The following MITF variants were observed in gnomAD, a reference collection of about 807,000 sequenced individuals.
MITF encodes microphthalmia-associated transcription factor.
In MITF, 17 loss-of-function variants were observed where a neutral mutation model predicts 60.5. That is an observed-to-expected ratio of 0.28 (90% CI 0.19 to 0.42). The LOEUF is 0.42. Among genes scored for constraint, MITF ranks in the 10% least tolerant of loss-of-function variants. The pLI is 1.00. For synonymous variants in MITF, 260 were observed against 248.5 expected (o/e 1.05, Z -0.43); for missense variants, 622 against 683.5 (o/e 0.91, Z 1.00).
intron 1 of MITF, among the ~76,000 whole-genome samples, chr3:69,854,386 A>G (rs1392040296): frequency 2.0e-5 from 3 of 152,224 alleles, no homozygotes; most frequent in African/African-American, 7.2e-5. Context: ...AAAATGGTGT[A>G]GTATTTTCAT....
intron 1 of MITF, among the ~76,000 whole-genome samples, chr3:69,848,824 T>C (rs2063774643): frequency 6.6e-6 from 1 of 151,948 alleles, no homozygotes. Context: ...TCTATAATTT[T>C]CCCCCCTTCT....
chr3:69,740,122 C>T lies in MITF; in HGVS notation c.104+421C>T, dbSNP rs561627105. 5.3e-5 allele frequency among the ~76,000 whole-genome samples: 8 copies of T among 152,112 alleles called. No homozygotes were observed. The South Asian group carries it at 1.5e-3, about 28-fold the overall frequency. On this transcript the variant is annotated intron_variant, in intron 1 of 9. Transcript: ENST00000352241. ...TGAAGATCCCAGCGGGTTGAGGGCT[C>T]GGAGAGGGAGAGCTTTGGGTGGACT...
chr3:69,897,432 T>C (rs951420947), intron 2 of MITF, among the ~76,000 whole-genome samples: 3 of 152,170 alleles, frequency 2.0e-5, no homozygotes, highest in African/African-American at 7.2e-5. Context: ...AAACTGAACA[T>C]AGTAGAGCTT....
At chr3:69,940,409 C>T (rs1553702224) in intron 4 of MITF, among the ~76,000 whole-genome samples, 1 of 152,236 alleles carries the variant, frequency 6.6e-6, no homozygotes, top group Non-Finnish European at 1.5e-5. Flanking sequence ...AATGTTTTCA[C>T]AGGCTTGTCT....
At chr3:69,776,682 A>G (rs2062478946) in intron 1 of MITF, among the ~76,000 whole-genome samples, 1 of 152,106 alleles carries the variant, frequency 6.6e-6, no homozygotes, top group Admixed American at 6.5e-5. Flanking sequence ...TTGAGCTTCA[A>G]TTTTCTCTTT....
At position 69,739,516 on chromosome 3, in the gene MITF, G is replaced by A. The variant is rs546628569; in HGVS notation, c.-82G>A. The A allele has an allele frequency of 4.2e-4, 549 of 1,308,092 alleles. 4 individuals carry two copies. The South Asian group carries it at 6.5e-3, about 16-fold the overall frequency. 81.0% of individuals were successfully genotyped at this position (1,308,092 alleles called of 1,614,324 possible). ...CACTGCGCCGGGGCGCACGGCTCGGGGGACCCAGGCCCAGCTACCTTCCCT... is the reference window on the plus strand; with the variant it reads ...CACTGCGCCGGGGCGCACGGCTCGGAGGACCCAGGCCCAGCTACCTTCCCT... On this transcript the variant is annotated 5_prime_UTR_variant, in exon 1 of 10. Coordinates refer to ENST00000352241, the MANE Select transcript of MITF (RefSeq NM_001354604.2).
chr3:69,818,917 T>G (rs2063222497), intron 1 of MITF, among the ~76,000 whole-genome samples: 1 of 152,178 alleles, frequency 6.6e-6, no homozygotes, highest in Non-Finnish European at 1.5e-5. Context: ...TAATTAAAAT[T>G]TTTATTACTA....
chr3:69,922,059 G>A (rs934127462), intron 2 of MITF, among the ~76,000 whole-genome samples: 7 of 152,202 alleles, frequency 4.6e-5, no homozygotes, highest in African/African-American at 1.7e-4. Context: ...ATAGGCAGGA[G>A]CACCTTACTG....
intron 1 of MITF, among the ~76,000 whole-genome samples, chr3:69,855,260 CAAA>C (rs33962275): frequency 2.5e-4 from 21 of 84,584 alleles, no homozygotes; most frequent in Non-Finnish European, 4.2e-4. Flanking sequence ...TTCCCATAAG[CAAA>C]AAAAAAAAAA....
intron 1 of MITF, among the ~76,000 whole-genome samples, chr3:69,770,768 G>T (rs1575688129): frequency 1.3e-5 from 2 of 152,184 alleles, no homozygotes; most frequent in African/African-American, 2.4e-5. Flanking sequence ...GTCTAGTAAA[G>T]CTAGGTCCCA....
chr3:69,909,596 CCCA>C (rs200708815), intron 2 of MITF, among the ~76,000 whole-genome samples: 2,348 of 152,182 alleles, frequency 0.015, 28 homozygotes, highest in Middle Eastern at 0.051. Context: ...AACAATAAGG[CCCA>C]GGCTGAGGTG....
At chr3:69,856,441 A>T (rs1381347940) in intron 1 of MITF, among the ~76,000 whole-genome samples, 2 of 152,196 alleles carry the variant, frequency 1.3e-5, no homozygotes, top group Non-Finnish European at 2.9e-5. Flanking sequence ...TGTATTGTGA[A>T]CAAAGGGCAA....
chr3:69,963,970 C>CTTTTTTTTTTTTTTTTTT (rs56921812), intron 9 of MITF, among the ~76,000 whole-genome samples: 2 of 86,124 alleles, frequency 2.3e-5, no homozygotes, highest in Non-Finnish European at 4.2e-5. Flanking sequence ...TTTTTCTTTT[C>CTTTTTTTTTTTTTTTTTT]TTTTTTTTTT....
In MITF at chr3:69,950,041, A is replaced by G. The variant is rs1215754783; in HGVS notation, c.880+873A>G. 1.3e-5 allele frequency among the ~76,000 whole-genome samples: 2 copies of G among 152,152 alleles called. 1 individual carries two copies. Among genetic ancestry groups the G allele is most frequent in the Admixed American group, 1.3e-4 (2 of 15,270 alleles). ...TTAAAAACCATGGATTTGAGTGAAA[A>G]GAGTAATTAATAAGTAAAAACCATC... On this transcript the variant is annotated intron_variant, in intron 6 of 9. Coordinates refer to ENST00000352241, the MANE Select transcript of MITF (RefSeq NM_001354604.2).
chr3:69,812,772 T>G (rs187297059), intron 1 of MITF, among the ~76,000 whole-genome samples: 3 of 152,310 alleles, frequency 2.0e-5, no homozygotes, highest in Admixed American at 6.5e-5. Flanking sequence ...AGGGCATGCA[T>G]GTAAACGATT....
At chr3:69,935,768 G>A (rs1190111256) in intron 2 of MITF, among the ~76,000 whole-genome samples, 1 of 152,032 alleles carries the variant, frequency 6.6e-6, no homozygotes, top group Non-Finnish European at 1.5e-5. Flanking sequence ...CATAAAGCTG[G>A]AAACTATATC....
chr3:69,746,454 C>T (rs945713551), intron 1 of MITF, among the ~76,000 whole-genome samples: 4 of 152,110 alleles, frequency 2.6e-5, no homozygotes, highest in Non-Finnish European at 5.9e-5. Flanking sequence ...AAAAAAAAAT[C>T]CTTGGCTACT....
rs1576074296 is a variant in MITF, at chr3:69,966,403, G to C, written c.*1155G>C. 4.3e-6 allele frequency: 1 copy of C among 232,766 alleles called. No homozygotes were observed. The highest frequency in any genetic ancestry group is 6.1e-5 in the East Asian group (1 of 16,376). 14.4% of individuals were successfully genotyped at this position (232,766 alleles called of 1,614,324 possible). A position where few individuals can be genotyped will look rare whatever the true frequency, so the allele number is the denominator to read the frequency against. On this transcript the variant is annotated 3_prime_UTR_variant, in exon 10 of 10. Coordinates refer to ENST00000352241, the MANE Select transcript of MITF (RefSeq NM_001354604.2). Reference sequence around the variant, plus strand: ...CAGAACTGTTTTTGGACACATTTAAGGTGTAGTATTAATAGGTTAAAACCA... The same window carrying C: ...CAGAACTGTTTTTGGACACATTTAACGTGTAGTATTAATAGGTTAAAACCA...
At chr3:69,936,658 A>G in intron 2 of MITF, 1 of 1,607,874 alleles carries the variant, frequency 6.2e-7, no homozygotes, top group Non-Finnish European at 8.5e-7. Context: ...AATTGGAATT[A>G]TAGAAAGTAG....
Sources: allele counts gnomAD v4.1 joint callset (sites outside exome capture counted in the v4.1 genomes callset), GRCh38; gene constraint gnomAD v4.1.1; transcripts MANE v1.5; gene names NCBI Gene and HGNC (gene_info 2026-07-23, HGNC 2026-07-21).